Variants in STX17 observed in about 807,000 individuals in gnomAD.
STX17 encodes the protein syntaxin 17, also known as syntaxin-17.
In STX17, 29 loss-of-function variants were observed where a neutral mutation model predicts 35.9. The observed-to-expected ratio is 0.81, with a 90% CI of 0.60 to 1.10. STX17 has a LOEUF of 1.10. Among genes scored for constraint, STX17 ranks in the 50% least tolerant of loss-of-function variants. STX17 has a pLI of 0.00. For missense variants in STX17, 312 were observed against 352.3 expected (o/e 0.89, Z 0.92); for synonymous variants, 92 against 118.3 (o/e 0.78, Z 1.44).
chr9:99,957,418 G>A (rs533825688), intron 4 of STX17, among the ~76,000 whole-genome samples: 10 of 152,242 alleles, frequency 6.6e-5, no homozygotes, highest in Middle Eastern at 3.4e-3. Context: ...TTGAGAGAAT[G>A]TACTCTGTGT....
intron 2 of STX17, among the ~76,000 whole-genome samples, chr9:99,928,070 C>G (rs1440132945): frequency 6.6e-6 from 1 of 152,064 alleles, no homozygotes; most frequent in Non-Finnish European, 1.5e-5. Flanking sequence ...CTATTCACAT[C>G]TGCTAACATT....
intron 1 of STX17, among the ~76,000 whole-genome samples, chr9:99,909,886 C>T (rs760175764): frequency 2.6e-5 from 4 of 151,990 alleles, no homozygotes; most frequent in African/African-American, 4.8e-5. Context: ...TCAAATATCC[C>T]ATAAATATAT....
At chr9:99,944,378 A>G (rs1829433425) in intron 3 of STX17, among the ~76,000 whole-genome samples, 1 of 151,748 alleles carries the variant, frequency 6.6e-6, no homozygotes, top group Non-Finnish European at 1.5e-5. Context: ...GTTTCTTGCA[A>G]TGGATTTTCA....
chr9:99,908,721 C>G (rs968131572), intron 1 of STX17, among the ~76,000 whole-genome samples: 14 of 152,232 alleles, frequency 9.2e-5, no homozygotes, highest in Middle Eastern at 3.4e-3. Flanking sequence ...TCTCCAACGA[C>G]CCGTAGTTTC....
intron 3 of STX17, among the ~76,000 whole-genome samples, chr9:99,940,788 T>C (rs1829341982): frequency 6.6e-6 from 1 of 152,188 alleles, no homozygotes. Flanking sequence ...GCCTAGAATT[T>C]TACTTTTTAG....
In STX17 at chr9:99,968,482, G is replaced by A. The variant is rs752320479; in HGVS notation, c.718G>A (p.Gly240Arg). The change falls in exon 8 of 8, where the codon GGG (glycine) becomes AGG (arginine). Residue 240 changes from glycine (G) to arginine (R), a missense_variant. By Grantham distance (125) the Gly-to-Arg change is moderately radical. Coordinates refer to ENST00000259400, the MANE Select transcript of STX17 (RefSeq NM_017919.3). The stretch of plus-strand genomic sequence containing the variant: ...TCTGCCTGTGGCAGGTGCACTCATC[G>A]GGGGAATGGTAGGGGGTCCTATTGG... ...AALPVAGALIGGMVGGPIGLL... is the reference protein window; with the variant it reads ...AALPVAGALIRGMVGGPIGLL... The A allele has an allele frequency of 4.4e-6, 7 of 1,604,280 alleles. No individual in the cohort carries two copies. Among genetic ancestry groups the A allele is most frequent in the East Asian group, 2.2e-5 (1 of 44,600 alleles).
intron 1 of STX17, among the ~76,000 whole-genome samples, chr9:99,910,103 C>T (rs1564055271): frequency 6.6e-6 from 1 of 151,806 alleles, no homozygotes; most frequent in Non-Finnish European, 1.5e-5. Flanking sequence ...CGTGGTGGCA[C>T]GTGCCTGTAA....
chr9:99,918,774 G>A (rs368347916), intron 2 of STX17, among the ~76,000 whole-genome samples: 1 of 152,134 alleles, frequency 6.6e-6, no homozygotes, highest in Non-Finnish European at 1.5e-5. Flanking sequence ...ACCACTAGAT[G>A]TCAGTAACTC....
intron 1 of STX17, among the ~76,000 whole-genome samples, chr9:99,909,191 TTAGA>T (rs1399184882): frequency 6.6e-6 from 1 of 152,256 alleles, no homozygotes; most frequent in Admixed American, 6.5e-5. Context: ...CTAAAGTGGC[TTAGA>T]TAATTTTTCT....
chr9:99,907,899 G>T (rs1828582964), intron 1 of STX17, among the ~76,000 whole-genome samples: 1 of 152,012 alleles, frequency 6.6e-6, no homozygotes, highest in African/African-American at 2.4e-5. Flanking sequence ...GTTGTCTTGG[G>T]TCCTTGGTCT....
intron 6 of STX17, 140 bp downstream of exon 6, chr9:99,960,295 C>A: frequency 1.2e-6 from 1 of 869,094 alleles, no homozygotes; most frequent in Non-Finnish European, 1.8e-6. Flanking sequence ...AGAAGTTTAA[C>A]TGTTCTCAAA....
chr9:99,913,736 T>C (rs1160506451), intron 1 of STX17, among the ~76,000 whole-genome samples: 1 of 152,194 alleles, frequency 6.6e-6, no homozygotes, highest in Non-Finnish European at 1.5e-5. Flanking sequence ...TGTTTTACCC[T>C]CTTTGTTTTT....
Position 99,968,894 on chromosome 9 carries a change from G to A in STX17, c.*221G>A. The A allele has an allele frequency of 2.0e-6, 1 of 487,958 alleles. No individual in the cohort carries two copies. Among genetic ancestry groups the A allele is most frequent in the Non-Finnish European group, 3.3e-6 (1 of 306,800 alleles). 30.2% of individuals were successfully genotyped at this position (487,958 alleles called of 1,614,324 possible). On this transcript the variant is annotated 3_prime_UTR_variant, in exon 8 of 8. Transcript: ENST00000259400. ...CCTGGGCTGAGGGTATATAATGTAT[G>A]TCAGGTAAAGTTTGAAGACTGCCAA...
chr9:99,954,472 A>G (rs1357222960), intron 4 of STX17, among the ~76,000 whole-genome samples: 1 of 152,078 alleles, frequency 6.6e-6, no homozygotes. Context: ...AAAGGAAATG[A>G]ATAATGAAAG....
intron 1 of STX17, among the ~76,000 whole-genome samples, chr9:99,907,869 A>G (rs1309369871): frequency 6.6e-6 from 1 of 152,116 alleles, no homozygotes; most frequent in Non-Finnish European, 1.5e-5. Context: ...GATCCACTCT[A>G]AGACCCGACA....
At chr9:99,960,187 GT>G in intron 6 of STX17, 32 bp downstream of exon 6, 1 of 1,598,332 alleles carries the variant, frequency 6.3e-7, no homozygotes, top group Non-Finnish European at 8.5e-7. Context: ...ATGCAGAATT[GT>G]TGGATTATTA....
intron 3 of STX17, 61 bp downstream of exon 3, chr9:99,928,904 T>C: frequency 6.7e-7 from 1 of 1,482,966 alleles, no homozygotes; most frequent in African/African-American, 1.4e-5. Context: ...AAGACAATTT[T>C]GCTAAAATAT....
intron 4 of STX17, among the ~76,000 whole-genome samples, chr9:99,956,853 G>A (rs907810462): frequency 1.3e-5 from 2 of 152,188 alleles, no homozygotes; most frequent in Admixed American, 6.5e-5. Flanking sequence ...AAATAGTAAT[G>A]CAGTTTTATA....
At chr9:99,924,313 A>G (rs1828946094) in intron 2 of STX17, among the ~76,000 whole-genome samples, 1 of 152,196 alleles carries the variant, frequency 6.6e-6, no homozygotes, top group South Asian at 2.1e-4. Context: ...CCAGCATTGT[A>G]ACAAAAGACA....
Sources: allele counts gnomAD v4.1 joint callset (sites outside exome capture counted in the v4.1 genomes callset), GRCh38; gene constraint gnomAD v4.1.1; transcripts MANE v1.5; gene names NCBI Gene and HGNC (gene_info 2026-07-23, HGNC 2026-07-21).